Variants in LPP observed in about 807,000 individuals in gnomAD.
The protein encoded by LPP is lipoma-preferred partner.
LPP carries 38 observed loss-of-function variants against 60.4 expected under a neutral mutation model. That is an observed-to-expected ratio of 0.63 (90% confidence interval 0.49 to 0.83). The LOEUF (loss-of-function observed/expected upper bound fraction) is 0.83. Ranked by LOEUF, LPP falls within the 40% of genes least tolerant of loss-of-function variation. LPP has a pLI of 0.00. For missense variants in LPP, 902 were observed against 783.6 expected, an observed-to-expected ratio of 1.15 and a Z score of -1.80; for synonymous variants, 328 against 290.8, an observed-to-expected ratio of 1.13 and a Z score of -1.30.
chr3:188,458,844 T>C lies in LPP; in HGVS notation c.194-25748T>C, dbSNP rs1199917269. On this transcript the variant is annotated intron_variant, in intron 4 of 11. Transcript: ENST00000617246. ...GATTAAAGAATGCAGTGTGGGTTTT[T>C]TTTCGTGGCCGATTTCTTTCTTTCC... is the stretch of plus-strand genomic sequence containing the variant. 2.0e-5 allele frequency among the ~76,000 whole-genome samples: 3 copies of C among 152,160 alleles called. No homozygotes were observed. In the East Asian group the frequency reaches 5.8e-4, roughly 29 times the overall value.
At chr3:188,660,085 C>T (rs1372549677) in intron 7 of LPP, among the ~76,000 whole-genome samples, 2 of 152,064 alleles carry the variant, frequency 1.3e-5, no homozygotes, top group Non-Finnish European at 2.9e-5. Context: ...TTTAAATTCT[C>T]ATTTGCTTTT....
At chr3:188,681,351 A>G (rs1859473536) in intron 7 of LPP, among the ~76,000 whole-genome samples, 1 of 152,180 alleles carries the variant, frequency 6.6e-6, no homozygotes, top group African/African-American at 2.4e-5. Context: ...GTTAGGATGC[A>G]CAGTTCTTTG....
chr3:188,608,836 A>G (rs1401791623), intron 6 of LPP, among the ~76,000 whole-genome samples: 1 of 152,144 alleles, frequency 6.6e-6, no homozygotes, highest in Non-Finnish European at 1.5e-5. Context: ...TGTCTTGTAT[A>G]ATTTCTTTCA....
In LPP at chr3:188,879,721, C is replaced by T. The variant is rs1578120037; in HGVS notation, c.*5242C>T. 1 of 181,238 alleles carries T rather than the reference C, an allele frequency of 5.5e-6. No individual in the cohort carries two copies. The highest frequency in any genetic ancestry group is 9.1e-5 in the East Asian group (1 of 11,028). The allele number at this position is 181,238 out of a possible 1,614,324, so 11.2% of individuals were successfully genotyped here. A position where few individuals can be genotyped will look rare whatever the true frequency, so the allele number is the denominator to read the frequency against. On this transcript the variant is annotated 3_prime_UTR_variant, in exon 12 of 12. Coordinates refer to ENST00000617246, the MANE Select transcript of LPP (RefSeq NM_001375462.1). ...TATTCCATTGCAGCTTGATAACTTT[C>T]CTTATAGCAAAGGAATAACTATTGT...
chr3:188,751,520 T>C (rs1457752610), intron 8 of LPP, among the ~76,000 whole-genome samples: 1 of 152,242 alleles, frequency 6.6e-6, no homozygotes, highest in Non-Finnish European at 1.5e-5. Context: ...ATACTACTGT[T>C]TCTGTCAGGA....
intron 6 of LPP, among the ~76,000 whole-genome samples, chr3:188,605,569 C>G (rs1842229986): frequency 6.6e-6 from 1 of 152,042 alleles, no homozygotes; most frequent in South Asian, 2.1e-4. Flanking sequence ...ATTCTGGAGA[C>G]AGAAATTCTA....
At chr3:188,781,871 G>A (rs146811829) in intron 9 of LPP, among the ~76,000 whole-genome samples, 14,339 of 144,996 alleles carry the variant, frequency 0.099, 945 homozygotes, top group African/African-American at 0.19. Flanking sequence ...CAGCCTGGGC[G>A]ACAGAGCAAG....
At chr3:188,815,662 C>T (rs1329041035) in intron 9 of LPP, among the ~76,000 whole-genome samples, 1 of 152,040 alleles carries the variant, frequency 6.6e-6, no homozygotes, top group Admixed American at 6.5e-5. Context: ...TTTAGATTTT[C>T]TGTTGTATGT....
chr3:188,264,506 A>G lies in LPP; in HGVS notation c.-67+38979A>G, dbSNP rs75858824. On this transcript the variant is annotated intron_variant, in intron 2 of 11. Transcript: ENST00000617246. ...TTTTTCCTTAAGTGGTATAAAATGT[A>G]AAATGAATTGGGTCTTAGTTTTTCT... Among the ~76,000 whole-genome samples the G allele has an allele frequency of 4.2e-3, 633 of 152,288 alleles. 6 individuals carry two copies. The highest frequency in any genetic ancestry group is 0.014 in the African/African-American group (598 of 41,564).
intron 7 of LPP, among the ~76,000 whole-genome samples, chr3:188,636,822 T>C (rs138528603): frequency 0.11 from 16,896 of 151,170 alleles, 1,006 homozygotes; most frequent in African/African-American, 0.16. Context: ...CGGCAGGGTA[T>C]TCCAACAGAC....
chr3:188,811,239 C>G (rs1253819898), intron 9 of LPP, among the ~76,000 whole-genome samples: 2 of 151,698 alleles, frequency 1.3e-5, no homozygotes, highest in Non-Finnish European at 2.9e-5. Flanking sequence ...TATTCACATC[C>G]CCAAGCATTA....
At chr3:188,804,626 A>G (rs1366384258) in intron 9 of LPP, among the ~76,000 whole-genome samples, 1 of 151,948 alleles carries the variant, frequency 6.6e-6, no homozygotes, top group African/African-American at 2.4e-5. Flanking sequence ...ATTTTAAAAG[A>G]TTTAAATTAC....
chr3:188,318,842 T>C (rs1756020183), intron 2 of LPP, among the ~76,000 whole-genome samples: 1 of 138,918 alleles, frequency 7.2e-6, no homozygotes, highest in Non-Finnish European at 1.5e-5. Context: ...CACTGCAAGC[T>C]CCGCCTCCCG....
At chr3:188,170,362 G>A (rs538543685) in intron 1 of LPP, among the ~76,000 whole-genome samples, 2 of 131,038 alleles carry the variant, frequency 1.5e-5, no homozygotes, top group Non-Finnish European at 3.1e-5. Flanking sequence ...AGGGAGTCTC[G>A]CTCTATTGCC....
chr3:188,602,502 C>A (rs933365610), intron 6 of LPP, among the ~76,000 whole-genome samples: 1 of 151,596 alleles, frequency 6.6e-6, no homozygotes, highest in Admixed American at 6.6e-5. Context: ...ATTTATTTAT[C>A]CAGCCATTAT....
chr3:188,412,571 T>A (rs1785162815), intron 4 of LPP, among the ~76,000 whole-genome samples: 1 of 152,050 alleles, frequency 6.6e-6, no homozygotes, highest in African/African-American at 2.4e-5. Flanking sequence ...AGTAAAAGAG[T>A]AGAGGGAGAC....
intron 9 of LPP, among the ~76,000 whole-genome samples, chr3:188,778,952 AGT>A (rs1481409847): frequency 6.6e-6 from 1 of 152,138 alleles, no homozygotes; most frequent in Non-Finnish European, 1.5e-5. Flanking sequence ...TACTTATAAA[AGT>A]GTGTGTGTTT....
chr3:188,716,744 G>A (rs554784787), intron 8 of LPP, among the ~76,000 whole-genome samples: 1 of 152,296 alleles, frequency 6.6e-6, no homozygotes, highest in Admixed American at 6.5e-5. Flanking sequence ...TTCTAGGTCA[G>A]AATCTAATAA....
At chr3:188,407,456 T>C (rs1783774602) in intron 4 of LPP, among the ~76,000 whole-genome samples, 2 of 152,230 alleles carry the variant, frequency 1.3e-5, no homozygotes, top group African/African-American at 4.8e-5. Context: ...GGCTTCAGCA[T>C]GCATGGCTAA....
Sources: allele counts gnomAD v4.1 joint callset (sites outside exome capture counted in the v4.1 genomes callset), GRCh38; gene constraint gnomAD v4.1.1; transcripts MANE v1.5; gene names NCBI Gene and HGNC (gene_info 2026-07-23, HGNC 2026-07-21).